SH3D19: variants seen among roughly 807,000 people sequenced by gnomAD.
SH3D19 encodes SH3 domain-containing protein 19.
Under a neutral mutation model 112.1 loss-of-function variants are expected in SH3D19, and 58 were observed. The observed-to-expected ratio is 0.52, with a 90% CI of 0.42 to 0.64. SH3D19 has a LOEUF of 0.64. SH3D19 is among the 30% of genes least tolerant of loss of function. The probability of loss-of-function intolerance (pLI) is 0.00; values close to 1 mark genes in which losing one functional copy is unlikely to be tolerated. For missense variants in SH3D19, 1,090 were observed against 1,263.4 expected (o/e 0.86, Z 2.08); for synonymous variants, 391 against 448.5 (o/e 0.87, Z 1.62).
At chr4:151,178,971 T>G (rs1760393611) in intron 4 of SH3D19, among the ~76,000 whole-genome samples, 1 of 152,198 alleles carries the variant, frequency 6.6e-6, no homozygotes, top group Admixed American at 6.5e-5. Flanking sequence ...CTACCTCCTC[T>G]TTTCCTTTCT....
In SH3D19 at chr4:151,264,592, G is replaced by A. The variant is rs78472081; in HGVS notation, c.113-38506C>T. On this transcript the variant is annotated intron_variant, in intron 1 of 19. Transcript: ENST00000604030. ...TTCACAAACAGAGAGTACAGGAAGA[G>A]TCTGGAATGAGAGCCTGAGAAGCTA... Among the ~76,000 whole-genome samples the A allele has an allele frequency of 6.6e-5, 10 of 152,206 alleles. No homozygotes were observed. The East Asian group carries it at 1.4e-3, about 21-fold the overall frequency.
chr4:151,284,381 T>G (rs1774537138), intron 1 of SH3D19, among the ~76,000 whole-genome samples: 1 of 152,196 alleles, frequency 6.6e-6, no homozygotes, highest in Non-Finnish European at 1.5e-5. Flanking sequence ...ATTTCAGACA[T>G]TTTATTTTTT....
At chr4:151,198,779 G>A (rs1246138484) in intron 2 of SH3D19, among the ~76,000 whole-genome samples, 1 of 152,010 alleles carries the variant, frequency 6.6e-6, no homozygotes, top group Non-Finnish European at 1.5e-5. Context: ...TCATTTAACT[G>A]AGTCTTTCAA....
chr4:151,176,550 G>T lies in SH3D19; in HGVS notation c.513C>A (p.Asp171Glu). 8.1e-7 allele frequency: 1 copy of T among 1,232,138 alleles called. No individual in the cohort carries two copies. Among genetic ancestry groups the T allele is most frequent in the African/African-American group, 1.5e-5 (1 of 64,546 alleles). The allele number at this position is 1,232,138 out of a possible 1,614,324, so 76.3% of individuals were successfully genotyped here. A position where few individuals can be genotyped will look rare whatever the true frequency, so the allele number is the denominator to read the frequency against. The change falls in exon 6 of 20, where the codon GAC becomes GAA. Residue 171 changes from aspartate (D) to glutamate (E), a missense_variant. By Grantham distance (45) the Asp-to-Glu change is conservative. Transcript: ENST00000604030. ...ATQTDFSEEIDNDLPQTLQAP... is the reference protein window; with the variant it reads ...ATQTDFSEEIENDLPQTLQAP... ...TTGCATTACTTTGAGGCAGATCGTT[G>T]TCTATTTCTTCTGAAAAGTCAGTCT...
intron 1 of SH3D19, among the ~76,000 whole-genome samples, chr4:151,280,521 A>C (rs1288778778): frequency 6.6e-6 from 1 of 152,224 alleles, no homozygotes; most frequent in Non-Finnish European, 1.5e-5. Flanking sequence ...CTATGAGATA[A>C]ATATTTGTTG....
chr4:151,149,622 G>T (rs1754554593), intron 9 of SH3D19, 61 bp from the exon 10 acceptor site: 1 of 1,467,256 alleles, frequency 6.8e-7, no homozygotes, highest in African/African-American at 1.4e-5. Context: ...CTTGTCAAGA[G>T]AAATTCTAGG....
intron 1 of SH3D19, among the ~76,000 whole-genome samples, chr4:151,271,379 G>T (rs541941756): frequency 6.6e-6 from 1 of 152,312 alleles, no homozygotes; most frequent in South Asian, 2.1e-4. Context: ...CAAATCTATT[G>T]TTTTCCCTGT....
At chr4:151,286,282 A>AT (rs1400686361) in intron 1 of SH3D19, among the ~76,000 whole-genome samples, 2 of 151,372 alleles carry the variant, frequency 1.3e-5, no homozygotes, top group African/African-American at 4.8e-5. Flanking sequence ...CAGAAAGACA[A>AT]TAGAGAAAAT....
chr4:151,259,083 G>C (rs959699972), intron 1 of SH3D19, among the ~76,000 whole-genome samples: 1 of 152,074 alleles, frequency 6.6e-6, no homozygotes, highest in African/African-American at 2.4e-5. Context: ...AGGAGGTCTA[G>C]GCTGCAGTAT....
At chr4:151,220,489 C>G (rs1767849299) in intron 2 of SH3D19, among the ~76,000 whole-genome samples, 2 of 152,128 alleles carry the variant, frequency 1.3e-5, no homozygotes, top group African/African-American at 4.8e-5. Context: ...GCTGGTAGTT[C>G]AGACCCCTAA....
At chr4:151,245,114 A>C (rs1371052183) in intron 1 of SH3D19, among the ~76,000 whole-genome samples, 1 of 152,008 alleles carries the variant, frequency 6.6e-6, no homozygotes, top group African/African-American at 2.4e-5. Flanking sequence ...ACTACACTCC[A>C]GCCTGGGCAA....
At chr4:151,293,333 CAT>C (rs1775483300) in intron 1 of SH3D19, among the ~76,000 whole-genome samples, 2 of 151,850 alleles carry the variant, frequency 1.3e-5, no homozygotes, top group South Asian at 4.2e-4. Context: ...ATTAGCCGGG[CAT>C]GGTGGCGGGC....
chr4:151,294,725 C>T (rs902226608), intron 1 of SH3D19, among the ~76,000 whole-genome samples: 1 of 152,200 alleles, frequency 6.6e-6, no homozygotes, highest in Non-Finnish European at 1.5e-5. Context: ...TATAACAAAT[C>T]AAGCTGGGCT....
intron 14 of SH3D19, 112 bp from the exon 15 acceptor site, chr4:151,135,244 G>C (rs1751564990): frequency 9.5e-6 from 7 of 734,404 alleles, no homozygotes; most frequent in Non-Finnish European, 1.5e-5. Context: ...GTTTAGCTAG[G>C]TGTTAATCTG....
At chr4:151,163,824 C>T (rs1359384758) in intron 8 of SH3D19, among the ~76,000 whole-genome samples, 1 of 152,102 alleles carries the variant, frequency 6.6e-6, no homozygotes, top group Non-Finnish European at 1.5e-5. Flanking sequence ...CTCAAGTGAT[C>T]TGCCCACCTC....
At position 151,322,903 on chromosome 4, in the gene SH3D19, T is replaced by G. The variant is rs189840615; in HGVS notation, c.112+2338A>C. The stretch of plus-strand genomic sequence containing the variant: ...AAAACTAAACAATATTTTATAGAGA[T>G]GCATATGTGTATGGTAAAACTGTAC... On this transcript the variant is annotated intron_variant, in intron 1 of 19. Coordinates refer to ENST00000604030, the MANE Select transcript of SH3D19 (RefSeq NM_001378122.1). Among the ~76,000 whole-genome samples, 671 of 152,218 alleles carry G rather than the reference T, an allele frequency of 4.4e-3. 2 individuals are homozygous for G. The highest frequency in any genetic ancestry group is 0.014 in the African/African-American group (587 of 41,522).
chr4:151,133,288 C>G, intron 15 of SH3D19, 52 bp from the exon 16 acceptor site: 1 of 1,433,202 alleles, frequency 7.0e-7, no homozygotes, highest in Non-Finnish European at 9.8e-7. Flanking sequence ...TTTTAAAATG[C>G]TTAAAAACCT....
chr4:151,229,511 C>G (rs1455795648), intron 1 of SH3D19, among the ~76,000 whole-genome samples: 3 of 151,754 alleles, frequency 2.0e-5, no homozygotes, highest in Non-Finnish European at 4.4e-5. Context: ...CACACACATA[C>G]ACACACACAC....
rs768212593 is a variant in SH3D19 at position 151,151,149 on chromosome 4, C to T, written c.1756-1588G>A. ...CTAATTTTCGTATTTTCAGTAGAGA[C>T]GACGTTTCACCATGTTGGCCAGGAT... On this transcript the variant is annotated intron_variant, in intron 9 of 19. Coordinates refer to ENST00000604030, the MANE Select transcript of SH3D19 (RefSeq NM_001378122.1). Among the ~76,000 whole-genome samples, 11 of 152,048 alleles carry T rather than the reference C, an allele frequency of 7.2e-5. No homozygotes were observed. The East Asian group carries it at 7.8e-4, about 11-fold the overall frequency.
Sources: allele counts gnomAD v4.1 joint callset (sites outside exome capture counted in the v4.1 genomes callset), GRCh38; gene constraint gnomAD v4.1.1; transcripts MANE v1.5; gene names NCBI Gene and HGNC (gene_info 2026-07-23, HGNC 2026-07-21).